HHAT: variants seen among roughly 807,000 people sequenced by gnomAD.
HHAT encodes protein-cysteine N-palmitoyltransferase HHAT.
A neutral mutation model predicts 70.8 loss-of-function variants in HHAT; 47 were observed. The ratio of observed to expected loss-of-function variants is 0.66; its 90% CI spans 0.53 to 0.85. The LOEUF (loss-of-function observed/expected upper bound fraction) is 0.85, where lower values mean the gene tolerates loss of function less well. HHAT is among the 40% of genes least tolerant of loss of function. The pLI, the probability that HHAT is intolerant of heterozygous loss-of-function variation, is 0.00. For missense variants in HHAT, 609 were observed against 604.8 expected (o/e 1.01, Z -0.07); for synonymous variants, 228 against 247.6 (o/e 0.92, Z 0.74).
At chr1:210,494,901 T>A (rs1237228983) in intron 8 of HHAT, among the ~76,000 whole-genome samples, 1 of 152,064 alleles carries the variant, frequency 6.6e-6, no homozygotes, top group Non-Finnish European at 1.5e-5. Flanking sequence ...AGTAAGGAGA[T>A]GTATGGCTCT....
At chr1:210,542,496 A>AAAAAATAT (rs56743887) in intron 9 of HHAT, among the ~76,000 whole-genome samples, 4 of 149,440 alleles carry the variant, frequency 2.7e-5, no homozygotes, top group Non-Finnish European at 5.9e-5. Flanking sequence ...TTAAAAAAAA[A>AAAAAATAT]ATATATATAT....
intron 9 of HHAT, among the ~76,000 whole-genome samples, chr1:210,566,926 G>T (rs1180791870): frequency 6.6e-6 from 1 of 152,208 alleles, no homozygotes; most frequent in African/African-American, 2.4e-5. Flanking sequence ...TTCACAGATG[G>T]CAAGGCTAAA....
At chr1:210,368,843 C>T (rs558963863) in intron 3 of HHAT, among the ~76,000 whole-genome samples, 9 of 152,026 alleles carry the variant, frequency 5.9e-5, no homozygotes, top group East Asian at 3.9e-4. Flanking sequence ...TTTGGGAGGC[C>T]GAGGTGGGCG....
intron 8 of HHAT, among the ~76,000 whole-genome samples, chr1:210,505,796 C>G (rs1336909252): frequency 6.6e-6 from 1 of 152,184 alleles, no homozygotes; most frequent in African/African-American, 2.4e-5. Flanking sequence ...GGTACATTGT[C>G]TACATGCTGC....
At chr1:210,518,537 A>T (rs2095099736) in intron 9 of HHAT, among the ~76,000 whole-genome samples, 1 of 152,286 alleles carries the variant, frequency 6.6e-6, no homozygotes, top group Admixed American at 6.5e-5. Context: ...TCGCACCTGT[A>T]ATCCCAGCAC....
At chr1:210,369,647 G>C (rs1365622117) in intron 3 of HHAT, 1 of 152,284 alleles carries the variant, frequency 6.6e-6, no homozygotes, top group African/African-American at 2.4e-5. Flanking sequence ...TCCTAAGTGG[G>C]CTCTGAAGTT....
chr1:210,536,724 T>C (rs2095376032), intron 9 of HHAT, among the ~76,000 whole-genome samples: 1 of 152,190 alleles, frequency 6.6e-6, no homozygotes, highest in Non-Finnish European at 1.5e-5. Context: ...AATTCCCCCA[T>C]GGGGCTTCTG....
chr1:210,583,102 C>T (rs1195922429), intron 9 of HHAT, among the ~76,000 whole-genome samples: 2 of 152,050 alleles, frequency 1.3e-5, no homozygotes, highest in Non-Finnish European at 2.9e-5. Context: ...CTAGTTATTT[C>T]CTTGGAGGGT....
intron 10 of HHAT, among the ~76,000 whole-genome samples, chr1:210,611,153 C>T (rs7512979): frequency 0.79 from 120,721 of 152,124 alleles, 50,742 homozygotes; most frequent in East Asian, 0.99. Flanking sequence ...GAGCATGGAA[C>T]GTTCTTCCAC....
intron 8 of HHAT, among the ~76,000 whole-genome samples, chr1:210,496,010 C>CCAAAA (rs765143288): frequency 5.9e-5 from 4 of 67,960 alleles, no homozygotes; most frequent in African/African-American, 2.7e-4. Flanking sequence ...AACTCTATCT[C>CCAAAA]AAAAAAAAAA....
At chr1:210,613,158 T>C (rs144370075) in intron 10 of HHAT, among the ~76,000 whole-genome samples, 2,086 of 152,344 alleles carry the variant, frequency 0.014, 49 homozygotes, top group African/African-American at 0.047. Context: ...TGGTGCTTTT[T>C]GTGTCATAGC....
intron 7 of HHAT, among the ~76,000 whole-genome samples, chr1:210,450,522 A>G (rs2148395027): frequency 6.6e-6 from 1 of 150,964 alleles, no homozygotes; most frequent in East Asian, 2.0e-4. Flanking sequence ...TTTGAGATGG[A>G]GTCTTGCTCT....
intron 9 of HHAT, among the ~76,000 whole-genome samples, chr1:210,585,907 T>C (rs1660333393): frequency 6.6e-6 from 1 of 152,010 alleles, no homozygotes; most frequent in African/African-American, 2.4e-5. Context: ...GATGAAGAAT[T>C]TGGCCAGATG....
chr1:210,381,558 G>C (rs2090637382), intron 3 of HHAT, among the ~76,000 whole-genome samples: 1 of 152,174 alleles, frequency 6.6e-6, no homozygotes, highest in South Asian at 2.1e-4. Flanking sequence ...TGGGATTACA[G>C]GCATGAGCTA....
intron 9 of HHAT, among the ~76,000 whole-genome samples, chr1:210,548,319 T>A (rs2148676515): frequency 6.6e-6 from 1 of 152,334 alleles, no homozygotes; most frequent in East Asian, 1.9e-4. Context: ...GGTGCGTTGT[T>A]GGAGGTGATA....
chr1:210,467,577 A>G (rs956546828), intron 8 of HHAT, among the ~76,000 whole-genome samples: 2 of 152,218 alleles, frequency 1.3e-5, no homozygotes, highest in Non-Finnish European at 1.5e-5. Context: ...GTTTGAGACA[A>G]ATTTAATCAT....
intron 8 of HHAT, among the ~76,000 whole-genome samples, chr1:210,501,433 G>A (rs897829190): frequency 1.1e-4 from 16 of 152,196 alleles, no homozygotes; most frequent in Non-Finnish European, 1.8e-4. Context: ...GATATTTTGG[G>A]TGGCAAGGAT....
chr1:210,335,871 A>C (rs4589111), intron 1 of HHAT, among the ~76,000 whole-genome samples: 4,422 of 152,332 alleles, frequency 0.029, 487 homozygotes, highest in East Asian at 0.2. Context: ...GGTTTCTTGA[A>C]TAGGCCACAA....
intron 1 of HHAT, among the ~76,000 whole-genome samples, chr1:210,334,178 A>ATTTTTTTTTTTTT (rs3033354): frequency 0.07 from 6,980 of 99,504 alleles, 1,603 homozygotes; most frequent in Admixed American, 0.11. Context: ...TTAGCGTGTC[A>ATTTTTTTTTTTTT]TTTTTTTTTT....
Sources: gnomAD v4.1 joint callset for allele counts (sites outside exome capture counted in the v4.1 genomes callset) on GRCh38, gnomAD v4.1.1 for gene constraint, MANE v1.5 for transcripts, NCBI Gene and HGNC (gene_info 2026-07-23, HGNC 2026-07-21) for gene names.